Variants in RNGTT observed in about 807,000 individuals in gnomAD.
RNGTT encodes RNA guanylyltransferase and 5'-phosphatase, also known as mRNA-capping enzyme.
RNGTT carries 33 observed loss-of-function variants against 79.3 expected under a neutral mutation model. That is an observed-to-expected ratio of 0.42 (90% CI 0.32 to 0.56). The LOEUF is 0.56. Ranked by LOEUF, RNGTT falls within the 20% of genes least tolerant of loss-of-function variation. The pLI is 0.17. For missense variants in RNGTT, 497 were observed against 739.1 expected, an observed-to-expected ratio of 0.67 and a Z score of 3.80; for synonymous variants, 222 against 235.9, an observed-to-expected ratio of 0.94 and a Z score of 0.54.
intron 11 of RNGTT, among the ~76,000 whole-genome samples, chr6:88,808,889 G>A (rs1368963489): frequency 6.6e-6 from 1 of 152,084 alleles, no homozygotes; most frequent in African/African-American, 2.4e-5. Context: ...CCTGGGAAGC[G>A]GAGGTTGCAG....
chr6:88,889,703 A>G (rs1782980148), intron 8 of RNGTT, among the ~76,000 whole-genome samples: 2 of 152,246 alleles, frequency 1.3e-5, no homozygotes, highest in Non-Finnish European at 2.9e-5. Flanking sequence ...AATATGGATT[A>G]CAAAAGAAAA....
intron 13 of RNGTT, among the ~76,000 whole-genome samples, chr6:88,750,505 T>C (rs1357050550): frequency 6.6e-6 from 1 of 152,150 alleles, no homozygotes; most frequent in East Asian, 1.9e-4. Context: ...ATGAAACTGG[T>C]TGGAATATGT....
At chr6:88,804,273 T>C (rs991723823) in intron 11 of RNGTT, among the ~76,000 whole-genome samples, 2 of 152,208 alleles carry the variant, frequency 1.3e-5, no homozygotes, top group Admixed American at 6.5e-5. Flanking sequence ...AAATAAAGTC[T>C]TATGACTCTC....
chr6:88,841,999 TA>T (rs1307048168), intron 11 of RNGTT, among the ~76,000 whole-genome samples: 1 of 152,212 alleles, frequency 6.6e-6, no homozygotes, highest in Non-Finnish European at 1.5e-5. Context: ...AGCAGAGCTT[TA>T]TGACTGCCAA....
rs181149674 is a variant in RNGTT at position 88,791,701 on chromosome 6, G to A, written c.1338+9863C>T. Among the ~76,000 whole-genome samples, 850 of 151,800 alleles carry A rather than the reference G, an allele frequency of 5.6e-3. 10 individuals are homozygous for A. Among genetic ancestry groups the A allele is most frequent in the African/African-American group, 0.018 (742 of 41,400 alleles). ...ACCACAGGCGCCCACCACCACACCC[G>A]GCTAATTTTTTGTATTTTTAGTAGA... On this transcript the variant is annotated intron_variant, in intron 12 of 15. Transcript: ENST00000369485.
intron 11 of RNGTT, among the ~76,000 whole-genome samples, chr6:88,834,157 C>T (rs1225418468): frequency 1.3e-5 from 2 of 152,060 alleles, no homozygotes; most frequent in Non-Finnish European, 2.9e-5. Flanking sequence ...CTCCATGTTA[C>T]AATTAAAAAT....
intron 12 of RNGTT, among the ~76,000 whole-genome samples, chr6:88,796,556 G>A (rs1779609574): frequency 6.6e-6 from 1 of 152,156 alleles, no homozygotes; most frequent in Non-Finnish European, 1.5e-5. Context: ...AAGATTGGTT[G>A]TCCCTAGTAG....
intron 14 of RNGTT, among the ~76,000 whole-genome samples, chr6:88,622,328 A>G (rs1312082720): frequency 6.6e-6 from 1 of 152,148 alleles, no homozygotes; most frequent in African/African-American, 2.4e-5. Flanking sequence ...TATTTTGTGG[A>G]TACTCATACA....
chr6:88,796,972 C>A (rs1779621879), intron 12 of RNGTT, among the ~76,000 whole-genome samples: 1 of 152,030 alleles, frequency 6.6e-6, no homozygotes, highest in Non-Finnish European at 1.5e-5. Context: ...TTTATTGCAC[C>A]TTTTCCCTAA....
At chr6:88,709,634 T>A (rs1776255033) in intron 13 of RNGTT, among the ~76,000 whole-genome samples, 1 of 152,264 alleles carries the variant, frequency 6.6e-6, no homozygotes, top group Admixed American at 6.5e-5. Flanking sequence ...TAAAACATTA[T>A]TTCAACATAG....
chr6:88,880,112 C>T lies in RNGTT; in HGVS notation c.896+10383G>A, dbSNP rs545029506. On this transcript the variant is annotated intron_variant, in intron 8 of 15. Transcript: ENST00000369485. ...TTAAAGCTGAGGATTCTGTCTTAAG[C>T]AGTCCTAATCCATGCAGCACCTAAC... Among the ~76,000 whole-genome samples the T allele has an allele frequency of 3.3e-5, 5 of 152,212 alleles. No homozygotes were observed. The South Asian group carries it at 8.3e-4, about 25-fold the overall frequency.
At chr6:88,689,875 CAAA>C (rs58459877) in intron 13 of RNGTT, among the ~76,000 whole-genome samples, 1 of 133,176 alleles carries the variant, frequency 7.5e-6, no homozygotes, top group Non-Finnish European at 1.7e-5. Flanking sequence ...GTAACAATTA[CAAA>C]AAAAAAAAAA....
At chr6:88,679,833 A>T (rs555308055) in intron 13 of RNGTT, among the ~76,000 whole-genome samples, 4 of 152,348 alleles carry the variant, frequency 2.6e-5, no homozygotes, top group Non-Finnish European at 2.9e-5. Flanking sequence ...ATCTTTTCAT[A>T]ATGGACATTG....
At chr6:88,804,311 A>C (rs1422776658) in intron 11 of RNGTT, among the ~76,000 whole-genome samples, 3 of 152,210 alleles carry the variant, frequency 2.0e-5, no homozygotes, top group Non-Finnish European at 4.4e-5. Context: ...AGATTTCTGC[A>C]AGTTCCTAAA....
At chr6:88,722,014 C>T (rs1776725634) in intron 13 of RNGTT, among the ~76,000 whole-genome samples, 1 of 151,634 alleles carries the variant, frequency 6.6e-6, no homozygotes, top group South Asian at 2.1e-4. Context: ...GCACCTAGCA[C>T]AAAGGTTGGC....
At chr6:88,753,708 TTAAAA>T (rs1411023846) in intron 13 of RNGTT, among the ~76,000 whole-genome samples, 2 of 151,768 alleles carry the variant, frequency 1.3e-5, no homozygotes, top group Non-Finnish European at 2.9e-5. Context: ...AATTATATAA[TTAAAA>T]TATAAATGCA....
intron 14 of RNGTT, among the ~76,000 whole-genome samples, chr6:88,663,301 T>C (rs981603059): frequency 1.1e-4 from 16 of 152,196 alleles, no homozygotes; most frequent in Admixed American, 7.9e-4. Flanking sequence ...TAAGGCTTTA[T>C]GTGAGATAGA....
At position 88,906,358 on chromosome 6, in the gene RNGTT, C is replaced by CA; in HGVS notation, c.443+6dup. 1 of 1,554,912 alleles carries CA rather than the reference C, an allele frequency of 6.4e-7. No individual in the cohort carries two copies. The highest frequency in any genetic ancestry group is 8.7e-7 in the Non-Finnish European group (1 of 1,144,722). ...ATACATCTTCCATTATAACAAGATACAAATACCTCCAATCCATTTTCTCCA... is the reference window on the plus strand; with the variant it reads ...ATACATCTTCCATTATAACAAGATACAAAATACCTCCAATCCATTTTCTCCA... On this transcript the variant is annotated splice_region_variant and intron_variant, in intron 5 of 15. Coordinates refer to ENST00000369485, the MANE Select transcript of RNGTT (RefSeq NM_003800.5).
chr6:88,794,306 A>G (rs988401245), intron 12 of RNGTT, among the ~76,000 whole-genome samples: 1 of 152,224 alleles, frequency 6.6e-6, no homozygotes, highest in Non-Finnish European at 1.5e-5. Flanking sequence ...AAAGCCACTG[A>G]TAAGTTTTTT....
Sources: gnomAD v4.1 joint callset for allele counts (sites outside exome capture counted in the v4.1 genomes callset) on GRCh38, gnomAD v4.1.1 for gene constraint, MANE v1.5 for transcripts, NCBI Gene and HGNC (gene_info 2026-07-23, HGNC 2026-07-21) for gene names.